The following RALA variants were observed in gnomAD, a reference collection of about 807,000 sequenced individuals.
RALA encodes the protein ras-related protein Ral-A.
A neutral mutation model predicts 24.0 loss-of-function variants in RALA; 5 were observed. The ratio of observed to expected loss-of-function variants is 0.21; its 90% CI spans 0.11 to 0.44. The LOEUF (loss-of-function observed/expected upper bound fraction) is 0.44. Ranked by LOEUF, RALA falls within the 20% of genes least tolerant of loss-of-function variation. RALA has a pLI of 0.99. For synonymous variants in RALA, 77 were observed against 83.8 expected (o/e 0.92, Z 0.44); for missense variants, 95 against 241.2 (o/e 0.39, Z 4.01).
intron 3 of RALA, 56 bp downstream of exon 3, chr7:39,690,646 C>G: frequency 3.7e-6 from 5 of 1,367,840 alleles, no homozygotes; most frequent in Non-Finnish European, 5.0e-6. Flanking sequence ...ATTTCTTCCC[C>G]AGAAACAAGT....
chr7:39,692,598 A>T (rs539934911), intron 3 of RALA, among the ~76,000 whole-genome samples: 5 of 152,232 alleles, frequency 3.3e-5, no homozygotes, highest in African/African-American at 7.2e-5. Context: ...TTGCTAGTAA[A>T]ACCAATCTAT....
chr7:39,706,371 C>A lies in RALA; in HGVS notation c.*126C>A. The A allele has an allele frequency of 9.6e-7, 1 of 1,045,006 alleles. No homozygotes were observed. Among genetic ancestry groups the A allele is most frequent in the East Asian group, 2.6e-5 (1 of 38,670 alleles). The allele number at this position is 1,045,006 out of a possible 1,614,324, so 64.7% of individuals were successfully genotyped here. A position where few individuals can be genotyped will look rare whatever the true frequency, so the allele number is the denominator to read the frequency against. ...GGAAATTGTTGTATATCACTAAAAG[C>A]ATGAATTGGAACTGCAATGAAAGTC... On this transcript the variant is annotated 3_prime_UTR_variant, in exon 5 of 5. Transcript: ENST00000005257.
At chr7:39,627,964 A>AT (rs1354028772) in intron 1 of RALA, among the ~76,000 whole-genome samples, 1 of 151,652 alleles carries the variant, frequency 6.6e-6, no homozygotes, top group Non-Finnish European at 1.5e-5. Flanking sequence ...TTTCCCCTTT[A>AT]TCTTTCATAT....
chr7:39,678,389 G>A (rs1030309177), intron 1 of RALA, among the ~76,000 whole-genome samples: 2 of 152,114 alleles, frequency 1.3e-5, no homozygotes, highest in Admixed American at 6.6e-5. Context: ...AGTGCCTTAC[G>A]TAGTAAGGTA....
At chr7:39,633,434 C>T (rs555772922) in intron 1 of RALA, among the ~76,000 whole-genome samples, 14 of 152,184 alleles carry the variant, frequency 9.2e-5, no homozygotes, top group Non-Finnish European at 1.6e-4. Context: ...TGAGCAGGAG[C>T]GAGCATGTGC....
chr7:39,627,831 T>C (rs1484653927), intron 1 of RALA, among the ~76,000 whole-genome samples: 1 of 152,214 alleles, frequency 6.6e-6, no homozygotes, highest in Non-Finnish European at 1.5e-5. Context: ...AGAACAATGG[T>C]GATATTTCTC....
Position 39,696,706 on chromosome 7 carries a change from A to G in RALA, c.345A>G (p.Lys115=), listed in dbSNP as rs150639642. 3.1e-6 allele frequency: 5 copies of G among 1,604,402 alleles called. No individual in the cohort carries two copies. The African/African-American group carries it at 5.4e-5, about 17-fold the overall frequency. The change falls in exon 4 of 5, where the codon AAA becomes AAG. Residue 115 remains lysine, a synonymous_variant. Transcript: ENST00000005257. The stretch of plus-strand genomic sequence containing the variant: ...CCAGGGAGCAGATTTTAAGAGTAAA[A>G]GAAGATGAGAATGTTCCATTTCTAC... ...ADFREQILRV[K]EDENVPFLLV...
At chr7:39,657,246 A>G (rs372589716) in intron 1 of RALA, among the ~76,000 whole-genome samples, 2 of 152,102 alleles carry the variant, frequency 1.3e-5, no homozygotes, top group African/African-American at 4.8e-5. Context: ...GATTACAGGT[A>G]TGAGCCACCA....
At chr7:39,647,380 G>A (rs1242031016) in intron 1 of RALA, among the ~76,000 whole-genome samples, 6 of 152,072 alleles carry the variant, frequency 3.9e-5, no homozygotes, top group African/African-American at 1.4e-4. Context: ...TAGCTTCTCC[G>A]CTCATGAGGC....
At chr7:39,680,123 A>G (rs1292631448) in intron 1 of RALA, among the ~76,000 whole-genome samples, 1 of 152,118 alleles carries the variant, frequency 6.6e-6, no homozygotes, top group Non-Finnish European at 1.5e-5. Flanking sequence ...TAGTCCCAAC[A>G]CTTTGGGAGG....
chr7:39,681,044 A>G (rs1792587715), intron 1 of RALA, among the ~76,000 whole-genome samples: 2 of 152,054 alleles, frequency 1.3e-5, no homozygotes, highest in Non-Finnish European at 2.9e-5. Context: ...TGCTCCTGTT[A>G]TGTTCCAGGT....
chr7:39,699,095 C>A, intron 4 of RALA, among the ~76,000 whole-genome samples: 1 of 149,740 alleles, frequency 6.7e-6, no homozygotes, highest in Non-Finnish European at 1.5e-5. Flanking sequence ...GAATTATGAC[C>A]CAGCAATTTA....
At chr7:39,680,341 A>G (rs890778167) in intron 1 of RALA, among the ~76,000 whole-genome samples, 1 of 151,476 alleles carries the variant, frequency 6.6e-6, no homozygotes, top group Non-Finnish European at 1.5e-5. Flanking sequence ...GCACCATTGC[A>G]CTCCAGCCTG....
At chr7:39,691,598 CA>C (rs1036741747) in intron 3 of RALA, among the ~76,000 whole-genome samples, 1 of 152,078 alleles carries the variant, frequency 6.6e-6, no homozygotes. Context: ...GGTGGGTGAG[CA>C]AAAAACTAAA....
intron 4 of RALA, among the ~76,000 whole-genome samples, chr7:39,699,047 CAT>C (rs1188118191): frequency 6.7e-6 from 1 of 150,076 alleles, no homozygotes; most frequent in Non-Finnish European, 1.5e-5. Context: ...AGGAACCTCT[CAT>C]ATGTTGGTGG....
chr7:39,689,858 T>C (rs1321957888), intron 2 of RALA, among the ~76,000 whole-genome samples: 3 of 152,248 alleles, frequency 2.0e-5, no homozygotes, highest in Admixed American at 1.3e-4. Flanking sequence ...GTTGTTGAAT[T>C]GTACTATTTA....
Position 39,666,642 on chromosome 7 carries a change from A to G in RALA, c.-37-19989A>G, listed in dbSNP as rs543554481. ...TGGATGGATGTGGGGTGCCACATAT[A>G]CAAGTCAGAATTTAAGAGATTACTA... On this transcript the variant is annotated intron_variant, in intron 1 of 4. Transcript: ENST00000005257. Among the ~76,000 whole-genome samples the G allele has an allele frequency of 1.1e-4, 16 of 152,350 alleles. No individual in the cohort carries two copies. In the East Asian group the frequency reaches 3.1e-3, roughly 29 times the overall value.
intron 1 of RALA, among the ~76,000 whole-genome samples, chr7:39,642,869 A>G (rs556865325): frequency 6.6e-6 from 1 of 152,170 alleles, no homozygotes; most frequent in East Asian, 1.9e-4. Flanking sequence ...AAACTTTCCC[A>G]CTGGTTTCCC....
intron 1 of RALA, among the ~76,000 whole-genome samples, chr7:39,646,341 T>A (rs1338963470): frequency 6.6e-6 from 1 of 151,874 alleles, no homozygotes; most frequent in East Asian, 1.9e-4. Flanking sequence ...CACTTTTAAA[T>A]TAGATTGAAC....
Sources: gnomAD v4.1 joint callset for allele counts (sites outside exome capture counted in the v4.1 genomes callset) on GRCh38, gnomAD v4.1.1 for gene constraint, MANE v1.5 for transcripts, NCBI Gene and HGNC (gene_info 2026-07-23, HGNC 2026-07-21) for gene names.